MMP26: variants seen among roughly 807,000 people sequenced by gnomAD.
MMP26 encodes the protein matrix metallopeptidase 26.
Under a neutral mutation model 31.0 loss-of-function variants are expected in MMP26, and 33 were observed. That is an observed-to-expected ratio of 1.06 (90% CI 0.81 to 1.42). The LOEUF (loss-of-function observed/expected upper bound fraction) is 1.42. Ranked by LOEUF, MMP26 falls within the 40% of genes most tolerant of loss-of-function variation. The pLI is 0.00. For synonymous variants in MMP26, 122 were observed against 114.9 expected (o/e 1.06, Z -0.40); for missense variants, 347 against 316.1 (o/e 1.10, Z -0.74).
At chr11:4,882,452 G>A (rs1341355820) in intron 2 of MMP26, 2 of 1,604,676 alleles carry the variant, frequency 1.2e-6, no homozygotes, top group African/African-American at 2.7e-5. Context: ...CTACCACCCA[G>A]AAGTGATCAA....
chr11:4,802,900 T>C (rs1047624811), intron 2 of MMP26, among the ~76,000 whole-genome samples: 1 of 152,200 alleles, frequency 6.6e-6, no homozygotes, highest in Admixed American at 6.5e-5. Flanking sequence ...CAACAGAGTA[T>C]TGCTTCATCT....
chr11:4,835,066 T>A (rs959142714), intron 2 of MMP26, among the ~76,000 whole-genome samples: 2 of 152,112 alleles, frequency 1.3e-5, no homozygotes, highest in Admixed American at 1.3e-4. Context: ...AAGATCCCAC[T>A]ACTCACAGTG....
intron 2 of MMP26, among the ~76,000 whole-genome samples, chr11:4,934,023 G>T (rs575902846): frequency 3.1e-4 from 44 of 142,618 alleles, no homozygotes; most frequent in African/African-American, 1.1e-3. Flanking sequence ...GAATAATGCC[G>T]CAATAAACAT....
At chr11:4,912,964 CT>C (rs1178551958) in intron 2 of MMP26, 1 of 152,006 alleles carries the variant, frequency 6.6e-6, no homozygotes, top group African/African-American at 2.4e-5. Context: ...AAAAAACAAG[CT>C]GTAACTATTC....
chr11:4,838,486 G>C (rs943190483), intron 2 of MMP26, among the ~76,000 whole-genome samples: 9 of 151,996 alleles, frequency 5.9e-5, no homozygotes, highest in Non-Finnish European at 1.2e-4. Context: ...AATAGCCTAA[G>C]TGTACATGGG....
intron 1 of MMP26, chr11:4,723,224 A>G (rs1274091291): frequency 5.3e-5 from 73 of 1,366,468 alleles, no homozygotes; most frequent in Admixed American, 2.0e-4. Context: ...GAGGCCCTCA[A>G]TCTCAGCCTG....
At chr11:4,856,067 A>G (rs1015100691) in intron 2 of MMP26, among the ~76,000 whole-genome samples, 2 of 152,248 alleles carry the variant, frequency 1.3e-5, no homozygotes, top group African/African-American at 4.8e-5. Flanking sequence ...GAGCTCACGA[A>G]GGAAGCACTA....
intron 1 of MMP26, chr11:4,718,660 C>A (rs1176619179): frequency 1.3e-5 from 2 of 154,968 alleles, no homozygotes; most frequent in Non-Finnish European, 1.5e-5. Flanking sequence ...TTTCCTGCTC[C>A]CTGGTGTTCC....
At chr11:4,916,216 T>A (rs1171752341) in intron 2 of MMP26, among the ~76,000 whole-genome samples, 2 of 152,056 alleles carry the variant, frequency 1.3e-5, no homozygotes, top group Non-Finnish European at 2.9e-5. Flanking sequence ...CACTGTGGGT[T>A]GGCAGTGGCT....
At chr11:4,854,669 T>A (rs572398740) in intron 2 of MMP26, among the ~76,000 whole-genome samples, 1 of 152,316 alleles carries the variant, frequency 6.6e-6, no homozygotes, top group Admixed American at 6.5e-5. Flanking sequence ...CAGCAGAAAC[T>A]TCTGCAGACT....
chr11:4,887,128 G>C (rs1850556079), intron 2 of MMP26, among the ~76,000 whole-genome samples: 1 of 151,770 alleles, frequency 6.6e-6, no homozygotes, highest in Non-Finnish European at 1.5e-5. Flanking sequence ...ATATTAGTGT[G>C]ATTATTCTAT....
At position 4,988,177 on chromosome 11, in the gene MMP26, C is replaced by T; in HGVS notation, c.-35C>T. On this transcript the variant is annotated 5_prime_UTR_variant, in exon 3 of 8. Coordinates refer to ENST00000380390, the MANE Select transcript of MMP26 (RefSeq NM_021801.5). ...AGATCCAGTGGCCCAAGTTGTGTAC[C>T]TGAATTCAAGCAGTGGGACAAATGA... The T allele has an allele frequency of 1.3e-6, 2 of 1,589,704 alleles. No homozygotes were observed. Among genetic ancestry groups the T allele is most frequent in the East Asian group, 2.2e-5 (1 of 44,708 alleles).
intron 1 of MMP26, among the ~76,000 whole-genome samples, chr11:4,746,709 C>A (rs1432425056): frequency 2.0e-5 from 3 of 152,000 alleles, no homozygotes; most frequent in Admixed American, 6.6e-5. Context: ...TGGTGGGCAC[C>A]TGTAATCCCA....
intron 5 of MMP26, among the ~76,000 whole-genome samples, chr11:4,990,967 G>A (rs886908273): frequency 1.3e-5 from 2 of 152,066 alleles, no homozygotes; most frequent in Non-Finnish European, 2.9e-5. Context: ...ATATGGTGGG[G>A]GTACTGCACA....
chr11:4,812,639 T>A (rs1189142311), intron 2 of MMP26, among the ~76,000 whole-genome samples: 1 of 152,180 alleles, frequency 6.6e-6, no homozygotes, highest in Non-Finnish European at 1.5e-5. Flanking sequence ...ATCTATGTAT[T>A]TATTTCACAC....
At chr11:4,847,067 A>G (rs1019461260) in intron 2 of MMP26, among the ~76,000 whole-genome samples, 1 of 152,196 alleles carries the variant, frequency 6.6e-6, no homozygotes, top group Non-Finnish European at 1.5e-5. Context: ...ATTCAAGGGG[A>G]ATTACCTACT....
intron 2 of MMP26, among the ~76,000 whole-genome samples, chr11:4,935,053 A>T (rs987289590): frequency 1.3e-5 from 2 of 151,690 alleles, no homozygotes; most frequent in African/African-American, 2.4e-5. Flanking sequence ...TGACTTGGCA[A>T]TGTGGGCTCT....
intron 2 of MMP26, chr11:4,938,431 A>G (rs1846159415): frequency 6.6e-6 from 1 of 151,558 alleles, no homozygotes; most frequent in South Asian, 2.1e-4. Flanking sequence ...TCAAACATCT[A>G]CGTTTCTACT....
intron 2 of MMP26, among the ~76,000 whole-genome samples, chr11:4,792,239 A>T (rs1849037574): frequency 6.6e-6 from 1 of 152,152 alleles, no homozygotes; most frequent in South Asian, 2.1e-4. Context: ...TTCAGTTCAC[A>T]AAGACAGACA....
Sources: allele counts gnomAD v4.1 joint callset (sites outside exome capture counted in the v4.1 genomes callset), GRCh38; gene constraint gnomAD v4.1.1; transcripts MANE v1.5; gene names NCBI Gene and HGNC (gene_info 2026-07-23, HGNC 2026-07-21).